The following RBFOX1 variants were observed in gnomAD, a reference collection of about 807,000 sequenced individuals.
The protein encoded by RBFOX1 is RNA binding fox-1 homolog 1, also known as RNA binding protein fox-1 homolog 1.
A neutral mutation model predicts 57.7 loss-of-function variants in RBFOX1; 8 were observed. The ratio of observed to expected loss-of-function variants is 0.14; its 90% CI spans 0.08 to 0.25. The LOEUF (loss-of-function observed/expected upper bound fraction) is 0.25. Ranked by LOEUF, RBFOX1 falls within the 10% of genes least tolerant of loss-of-function variation. RBFOX1 has a pLI of 1.00. For synonymous variants in RBFOX1, 326 were observed against 222.4 expected (o/e 1.47, Z -4.15); for missense variants, 611 against 548.5 (o/e 1.11, Z -1.14).
chr16:6,637,478 T>C (rs1240782661), intron 2 of RBFOX1, among the ~76,000 whole-genome samples: 2 of 61,366 alleles, frequency 3.3e-5, no homozygotes, highest in East Asian at 1.1e-3. Flanking sequence ...ATATTATATA[T>C]AATATCCTAT....
At chr16:5,895,513 A>G (rs967582858) in intron 4 of RBFOX1, among the ~76,000 whole-genome samples, 1 of 152,232 alleles carries the variant, frequency 6.6e-6, no homozygotes, top group Admixed American at 6.5e-5. Flanking sequence ...CTGCGTTTTC[A>G]TTCGGAAATG....
intron 3 of RBFOX1, among the ~76,000 whole-genome samples, chr16:6,889,319 C>T (rs967783433): frequency 6.6e-6 from 1 of 152,154 alleles, no homozygotes. Flanking sequence ...ATGTCACTTT[C>T]AAGTGGAAAA....
chr16:6,524,399 G>A (rs1048922255), intron 2 of RBFOX1, among the ~76,000 whole-genome samples: 2 of 152,148 alleles, frequency 1.3e-5, no homozygotes, highest in South Asian at 4.1e-4. Flanking sequence ...TCTGTTGATG[G>A]GCACTTAGGT....
intron 1 of RBFOX1, among the ~76,000 whole-genome samples, chr16:6,205,396 G>A (rs1009895114): frequency 6.6e-5 from 10 of 152,206 alleles, no homozygotes; most frequent in African/African-American, 2.4e-4. Context: ...GAACAAGGTT[G>A]TCGTGACAAA....
chr16:6,932,564 G>A (rs1028205043), intron 3 of RBFOX1, among the ~76,000 whole-genome samples: 4 of 152,118 alleles, frequency 2.6e-5, no homozygotes, highest in African/African-American at 9.7e-5. Flanking sequence ...GTGAGTTAGT[G>A]CTGGCTGTAG....
chr16:6,779,892 T>C (rs1440190181), intron 3 of RBFOX1, among the ~76,000 whole-genome samples: 1 of 57,318 alleles, frequency 1.7e-5, no homozygotes, highest in Non-Finnish European at 2.7e-5. Flanking sequence ...TATATATTTA[T>C]ATATATTTAT....
chr16:6,564,360 G>A (rs1284098094), intron 2 of RBFOX1, among the ~76,000 whole-genome samples: 3 of 152,122 alleles, frequency 2.0e-5, no homozygotes, highest in African/African-American at 7.2e-5. Context: ...GAAATACTGT[G>A]TTCGTAAAAA....
chr16:6,168,369 C>T (rs1270195143), intron 1 of RBFOX1, among the ~76,000 whole-genome samples: 1 of 152,096 alleles, frequency 6.6e-6, no homozygotes, highest in Non-Finnish European at 1.5e-5. Context: ...TAAGTATGAA[C>T]AGCTTAAGGA....
intron 2 of RBFOX1, among the ~76,000 whole-genome samples, chr16:6,578,026 A>T (rs1409488939): frequency 6.6e-6 from 1 of 152,180 alleles, no homozygotes; most frequent in Non-Finnish European, 1.5e-5. Context: ...TGCTTATTTC[A>T]TTGAAGAGCC....
chr16:6,533,152 G>A (rs2153820487), intron 2 of RBFOX1, among the ~76,000 whole-genome samples: 1 of 152,312 alleles, frequency 6.6e-6, no homozygotes, highest in East Asian at 1.9e-4. Flanking sequence ...TACAGGAACA[G>A]GAAAGACAAA....
intron 4 of RBFOX1, among the ~76,000 whole-genome samples, chr16:7,454,864 G>T (rs2058174278): frequency 6.6e-6 from 1 of 152,296 alleles, no homozygotes; most frequent in Non-Finnish European, 1.5e-5. Flanking sequence ...GTTACATCAG[G>T]TACCACAGTG....
chr16:5,366,968 A>T (rs921405288), intron 1 of RBFOX1, among the ~76,000 whole-genome samples: 2 of 152,242 alleles, frequency 1.3e-5, no homozygotes, highest in African/African-American at 4.8e-5. Flanking sequence ...GGGGAGACAA[A>T]AATATACATG....
Position 6,287,991 on chromosome 16 carries a change from G to A in RBFOX1, c.-126-29004G>A, listed in dbSNP as rs74005073. Reference sequence around the variant, plus strand: ...AGTGTTAAGCGTTGGTGCATTTTGCGTACTTCAACCTTTTCTGTCTATAAA... The same window carrying A: ...AGTGTTAAGCGTTGGTGCATTTTGCATACTTCAACCTTTTCTGTCTATAAA... On this transcript the variant is annotated intron_variant, in intron 1 of 15. Coordinates refer to ENST00000550418, the MANE Select transcript of RBFOX1 (RefSeq NM_018723.4). Among the ~76,000 whole-genome samples the A allele has an allele frequency of 6.6e-3, 1,006 of 152,144 alleles. 13 individuals carry two copies. The highest frequency in any genetic ancestry group is 0.022 in the African/African-American group (898 of 41,518).
intron 3 of RBFOX1, among the ~76,000 whole-genome samples, chr16:6,822,042 C>G (rs1406961291): frequency 6.6e-6 from 1 of 152,124 alleles, no homozygotes; most frequent in Non-Finnish European, 1.5e-5. Flanking sequence ...ATAGACTTGA[C>G]AAGTGATCAT....
chr16:7,525,704 G>C (rs1423361734), intron 5 of RBFOX1, among the ~76,000 whole-genome samples: 1 of 152,180 alleles, frequency 6.6e-6, no homozygotes, highest in Non-Finnish European at 1.5e-5. Flanking sequence ...AAAAATTGAG[G>C]TGTGCTGCCA....
intron 3 of RBFOX1, among the ~76,000 whole-genome samples, chr16:6,741,215 T>C (rs552953377): frequency 3.3e-5 from 5 of 152,110 alleles, no homozygotes; most frequent in Non-Finnish European, 7.4e-5. Context: ...ACTTCACATC[T>C]CATAAAAATT....
chr16:6,850,557 G>A (rs955269237), intron 3 of RBFOX1, among the ~76,000 whole-genome samples: 2 of 152,152 alleles, frequency 1.3e-5, no homozygotes, highest in African/African-American at 4.8e-5. Flanking sequence ...TACCCACACA[G>A]CTAAGATTAT....
intron 1 of RBFOX1, among the ~76,000 whole-genome samples, chr16:5,328,144 C>A (rs1221272310): frequency 1.3e-5 from 2 of 152,096 alleles, no homozygotes; most frequent in East Asian, 1.9e-4. Context: ...TGTGTCCCTG[C>A]AAATTCATAT....
At chr16:6,741,035 G>C (rs536814264) in intron 3 of RBFOX1, among the ~76,000 whole-genome samples, 36 of 152,276 alleles carry the variant, frequency 2.4e-4, no homozygotes, top group African/African-American at 8.4e-4. Flanking sequence ...TAAATCAATG[G>C]AAGGGAAGAG....
Sources: gnomAD v4.1 joint callset for allele counts (sites outside exome capture counted in the v4.1 genomes callset) on GRCh38, gnomAD v4.1.1 for gene constraint, MANE v1.5 for transcripts, NCBI Gene and HGNC (gene_info 2026-07-23, HGNC 2026-07-21) for gene names.